Variants in RAB31 observed in about 807,000 individuals in gnomAD.
The protein encoded by RAB31 is RAB31, member RAS oncogene family.
Under a neutral mutation model 25.6 loss-of-function variants are expected in RAB31, and 21 were observed. The observed-to-expected ratio is 0.82, with a 90% CI of 0.58 to 1.18. The LOEUF (loss-of-function observed/expected upper bound fraction) is 1.18, where lower values mean the gene tolerates loss of function less well. Ranked by LOEUF, RAB31 falls within the 50% of genes most tolerant of loss-of-function variation. The pLI is 0.00. For synonymous variants in RAB31, 87 were observed against 84.0 expected (o/e 1.04, Z -0.20); for missense variants, 196 against 250.1 (o/e 0.78, Z 1.46).
At chr18:9,750,255 G>C (rs538509333) in intron 1 of RAB31, among the ~76,000 whole-genome samples, 2 of 152,310 alleles carry the variant, frequency 1.3e-5, no homozygotes, top group African/African-American at 4.8e-5. Flanking sequence ...TTGGATCTAG[G>C]ATCAAGATGA....
At chr18:9,796,544 T>C (rs901282268) in intron 3 of RAB31, among the ~76,000 whole-genome samples, 3 of 152,214 alleles carry the variant, frequency 2.0e-5, no homozygotes, top group African/African-American at 4.8e-5. Flanking sequence ...TTCACTGTTA[T>C]GTACTTTCAC....
At position 9,743,892 on chromosome 18, in the gene RAB31, G is replaced by A. The variant is rs117626832; in HGVS notation, c.40-31386G>A. Among the ~76,000 whole-genome samples, 121 of 152,330 alleles carry A rather than the reference G, an allele frequency of 7.9e-4. 1 individual carries two copies. In the East Asian group the frequency reaches 0.018, roughly 22 times the overall value. ...CGGTCTGTGCCTGTTGGGAAGATGG[G>A]CAGCTGACTCACTTCACTGTCATCC... On this transcript the variant is annotated intron_variant, in intron 1 of 6. Transcript: ENST00000578921.
chr18:9,807,202 G>A (rs950871174), intron 3 of RAB31, among the ~76,000 whole-genome samples: 7 of 152,218 alleles, frequency 4.6e-5, no homozygotes, highest in East Asian at 1.9e-4. Flanking sequence ...AAATGACACC[G>A]TATGTTTTTG....
At chr18:9,734,752 T>C (rs2045233) in intron 1 of RAB31, 127,118 of 163,754 alleles carry the variant, frequency 0.78, 50,257 homozygotes, top group African/African-American at 0.93. Flanking sequence ...GTTTTATTCT[T>C]TCCATATCCA....
At chr18:9,857,640 TATAGATAGATAGATAG>T (rs369031976) in intron 6 of RAB31, among the ~76,000 whole-genome samples, 3 of 129,324 alleles carry the variant, frequency 2.3e-5, no homozygotes, top group South Asian at 5.2e-4. Flanking sequence ...TAGCCAATAA[TATAGATAGATAGATAG>T]ATAGATAGAT....
intron 5 of RAB31, among the ~76,000 whole-genome samples, chr18:9,819,745 T>C (rs2068616138): frequency 6.6e-6 from 1 of 152,112 alleles, no homozygotes; most frequent in Non-Finnish European, 1.5e-5. Context: ...TAATTTCTTT[T>C]AGCAATGTTT....
chr18:9,806,535 G>A (rs1435071100), intron 3 of RAB31, among the ~76,000 whole-genome samples: 1 of 152,084 alleles, frequency 6.6e-6, no homozygotes, highest in Non-Finnish European at 1.5e-5. Flanking sequence ...GAAGGCCGGG[G>A]CTGGAGACAA....
chr18:9,708,372 C>G lies in RAB31; in HGVS notation c.-34C>G. 6.6e-7 allele frequency: 1 copy of G among 1,515,372 alleles called. No homozygotes were observed. Among genetic ancestry groups the G allele is most frequent in the East Asian group, 2.7e-5 (1 of 36,704 alleles). 93.9% of individuals were successfully genotyped at this position (1,515,372 alleles called of 1,614,324 possible). On this transcript the variant is annotated 5_prime_UTR_variant, in exon 1 of 7. Transcript: ENST00000578921. The surrounding 1 kb of genome is among the most constrained non-coding windows in gnomAD (Gnocchi z 6.4). ...GCGGGCGCGGCGGCCCCGGAGGATG[C>G]TGCTGAGCCCCGGCACTGCCTGGCT...
At chr18:9,732,859 G>A (rs966093797) in intron 1 of RAB31, among the ~76,000 whole-genome samples, 6 of 152,124 alleles carry the variant, frequency 3.9e-5, no homozygotes, top group South Asian at 2.1e-4. Context: ...AGTTTTCATC[G>A]TCTGTGCTAA....
At chr18:9,828,313 T>G (rs1390725433) in intron 5 of RAB31, among the ~76,000 whole-genome samples, 1 of 152,134 alleles carries the variant, frequency 6.6e-6, no homozygotes, top group Non-Finnish European at 1.5e-5. Context: ...CAGAACACTG[T>G]TTTCTTCTGA....
At chr18:9,770,700 T>C (rs949039815) in intron 1 of RAB31, among the ~76,000 whole-genome samples, 1 of 152,214 alleles carries the variant, frequency 6.6e-6, no homozygotes, top group Non-Finnish European at 1.5e-5. Context: ...TTTATTCTAA[T>C]GTCTCCCCGG....
At chr18:9,849,890 TA>T (rs2068780484) in intron 6 of RAB31, among the ~76,000 whole-genome samples, 1 of 152,032 alleles carries the variant, frequency 6.6e-6, no homozygotes, top group Non-Finnish European at 1.5e-5. Context: ...GCCATGGGAG[TA>T]AGGGTGATAC....
chr18:9,802,817 A>G (rs1454757683), intron 3 of RAB31, among the ~76,000 whole-genome samples: 1 of 152,254 alleles, frequency 6.6e-6, no homozygotes, highest in Non-Finnish European at 1.5e-5. Flanking sequence ...GAGGCAGCAG[A>G]TAGCTGAGGT....
chr18:9,797,233 G>A (rs956297319), intron 3 of RAB31: 1 of 152,150 alleles, frequency 6.6e-6, no homozygotes, highest in African/African-American at 2.4e-5. Context: ...TGTTTGTATT[G>A]TTATGTAAAC....
intron 2 of RAB31, chr18:9,787,570 A>C (rs2068439935): frequency 5.4e-6 from 1 of 183,984 alleles, no homozygotes; most frequent in Non-Finnish European, 1.3e-5. Context: ...ACTTACCATC[A>C]GGTGGTCCAT....
chr18:9,747,902 A>G (rs1157486065), intron 1 of RAB31, among the ~76,000 whole-genome samples: 1 of 152,230 alleles, frequency 6.6e-6, no homozygotes, highest in Non-Finnish European at 1.5e-5. Flanking sequence ...TATGTGAGTA[A>G]TTAGTTCCTA....
intron 6 of RAB31, among the ~76,000 whole-genome samples, chr18:9,848,146 A>C (rs2068770722): frequency 6.6e-6 from 1 of 152,238 alleles, no homozygotes; most frequent in Non-Finnish European, 1.5e-5. Context: ...GAAAGCTTGT[A>C]AATACACAGC....
chr18:9,745,010 GA>G (rs1395036399), intron 1 of RAB31, among the ~76,000 whole-genome samples: 1 of 151,986 alleles, frequency 6.6e-6, no homozygotes, highest in Admixed American at 6.5e-5. Flanking sequence ...GAAAATCAGT[GA>G]AACCAAAAGT....
intron 2 of RAB31, among the ~76,000 whole-genome samples, chr18:9,781,864 G>C (rs2068406450): frequency 6.6e-6 from 1 of 152,230 alleles, no homozygotes; most frequent in Admixed American, 6.5e-5. Flanking sequence ...TAAAACGTTT[G>C]AGTGCTTTCC....
Sources: gnomAD v4.1 joint callset for allele counts (sites outside exome capture counted in the v4.1 genomes callset) on GRCh38, gnomAD v4.1.1 for gene constraint, Gnocchi (gnomAD v3.1) non-coding constraint, MANE v1.5 for transcripts, NCBI Gene and HGNC (gene_info 2026-07-23, HGNC 2026-07-21) for gene names.